Variants in PAPOLA observed in about 807,000 individuals in gnomAD.
PAPOLA encodes the protein poly(A) polymerase alpha, also known as polynucleotide adenylyltransferase alpha.
In PAPOLA, 15 loss-of-function variants were observed where a neutral mutation model predicts 100.6. The ratio of observed to expected loss-of-function variants is 0.15; its 90% CI spans 0.10 to 0.23. The LOEUF (loss-of-function observed/expected upper bound fraction) is 0.23, where lower values mean the gene tolerates loss of function less well. PAPOLA is among the 10% of genes least tolerant of loss of function. The probability of loss-of-function intolerance (pLI) is 1.00; values close to 1 mark genes in which losing one functional copy is unlikely to be tolerated. For missense variants in PAPOLA, 533 were observed against 884.2 expected (o/e 0.60, Z 5.04); for synonymous variants, 293 against 300.0 (o/e 0.98, Z 0.24).
intron 16 of PAPOLA, among the ~76,000 whole-genome samples, chr14:96,551,300 C>T (rs1900828249): frequency 6.6e-6 from 1 of 152,168 alleles, no homozygotes; most frequent in African/African-American, 2.4e-5. Flanking sequence ...ATATAATTTA[C>T]TTACTGAATA....
intron 18 of PAPOLA, 96 bp from the exon 19 acceptor site, chr14:96,556,079 G>C (rs1901297465): frequency 8.2e-7 from 1 of 1,216,936 alleles, no homozygotes; most frequent in Non-Finnish European, 1.2e-6. Context: ...TGCATGTAAA[G>C]TTATTCATGA....
rs370159639 is a variant in PAPOLA, at chr14:96,548,534, TTAAG to T, written c.1521+618_1521+621del. ...GACAGATACAAATTACGTTTTTTCT[TTAAG>T]TGATTTCAAAAATAGATGGTTTATT... On this transcript the variant is annotated intron_variant, in intron 16 of 21. Transcript: ENST00000216277. Among the ~76,000 whole-genome samples, 40 of 152,276 alleles carry T rather than the reference TTAAG, an allele frequency of 2.6e-4. No individual in the cohort carries two copies. In the South Asian group the frequency reaches 5.0e-3, roughly 19 times the overall value.
Position 96,565,817 on chromosome 14 carries a change from TGTC to T in PAPOLA, c.*768_*770del. On this transcript the variant is annotated 3_prime_UTR_variant, in exon 22 of 22. Transcript: ENST00000216277. ...CTGTGTTCTTTTGCCTTCAATCTGT[TGTC>T]TTCAAAACAAACAAACAAAAAAAGC... The T allele has an allele frequency of 2.5e-6, 1 of 398,150 alleles. No individual in the cohort carries two copies. The highest frequency in any genetic ancestry group is 3.6e-5 in the East Asian group (1 of 28,072). 24.7% of individuals were successfully genotyped at this position (398,150 alleles called of 1,614,324 possible).
In PAPOLA at chr14:96,502,426, G is replaced by A. The variant is rs1022988639; in HGVS notation, c.-167G>A. Reference sequence around the variant, plus strand: ...GCTCGGGCGCCATGTTAGGACGAAGGGGAAGGAGGAGAAGCGCTTAAAGCG... The same window carrying A: ...GCTCGGGCGCCATGTTAGGACGAAGAGGAAGGAGGAGAAGCGCTTAAAGCG... On this transcript the variant is annotated 5_prime_UTR_variant, in exon 1 of 22. Coordinates refer to ENST00000216277, the MANE Select transcript of PAPOLA (RefSeq NM_032632.5). The A allele has an allele frequency of 4.3e-6, 3 of 705,234 alleles. No homozygotes were observed. The highest frequency in any genetic ancestry group is 7.8e-6 in the Non-Finnish European group (3 of 386,652). The allele number at this position is 705,234 out of a possible 1,614,324, so 43.7% of individuals were successfully genotyped here. A position where few individuals can be genotyped will look rare whatever the true frequency, so the allele number is the denominator to read the frequency against.
intron 15 of PAPOLA, among the ~76,000 whole-genome samples, chr14:96,545,717 A>G (rs914035169): frequency 1.3e-5 from 2 of 152,064 alleles, no homozygotes; most frequent in East Asian, 1.9e-4. Context: ...TGAAAGATAT[A>G]TAGTGTTTCT....
Position 96,542,906 on chromosome 14 carries a change from C to T in PAPOLA, c.1289+13C>T. Reference sequence around the variant, plus strand: ...AAAATCCCGACAAGTAAGCCCTTTTCTAATTTAATTTCTTCTTCCCATTTC... The same window carrying T: ...AAAATCCCGACAAGTAAGCCCTTTTTTAATTTAATTTCTTCTTCCCATTTC... On this transcript the variant is annotated intron_variant, in intron 14 of 21. Coordinates refer to ENST00000216277, the MANE Select transcript of PAPOLA (RefSeq NM_032632.5). 1.2e-6 allele frequency: 2 copies of T among 1,607,722 alleles called. No homozygotes were observed.
rs760443747 is a variant in PAPOLA, at chr14:96,520,050, T to G, written c.9-5T>G. 3 of 1,592,212 alleles carry G rather than the reference T, an allele frequency of 1.9e-6. No homozygotes were observed. Among genetic ancestry groups the G allele is most frequent in the East Asian group, 4.5e-5 (2 of 44,614 alleles). On this transcript the variant is annotated splice_region_variant and splice_polypyrimidine_tract_variant and intron_variant, in intron 1 of 21. Coordinates refer to ENST00000216277, the MANE Select transcript of PAPOLA (RefSeq NM_032632.5). ...GGCAGTAATTGTATCCAATTTTGTTTATAGTCCAGTTACAACACAGGGATC... is the reference window on the plus strand; with the variant it reads ...GGCAGTAATTGTATCCAATTTTGTTGATAGTCCAGTTACAACACAGGGATC...
chr14:96,552,628 G>C lies in PAPOLA; in HGVS notation c.1664+6G>C, dbSNP rs775889075. ...AGTTCTGGCAGCTCTCAGGGGTAAG[G>C]AAAAAGAGGGAAATAGAAGTGGAGG... On this transcript the variant is annotated splice_donor_region_variant and intron_variant, in intron 17 of 21. Coordinates refer to ENST00000216277, the MANE Select transcript of PAPOLA (RefSeq NM_032632.5). 6.2e-7 allele frequency: 1 copy of C among 1,607,344 alleles called. No homozygotes were observed. The highest frequency in any genetic ancestry group is 1.3e-5 in the African/African-American group (1 of 74,496).
rs191269754 is a variant in PAPOLA, at chr14:96,531,997, C to T, written c.608-334C>T. 94 of 1,235,080 alleles carry T rather than the reference C, an allele frequency of 7.6e-5. No individual in the cohort carries two copies. In the East Asian group the frequency reaches 1.8e-3, roughly 23 times the overall value. 76.5% of individuals were successfully genotyped at this position (1,235,080 alleles called of 1,614,324 possible). On this transcript the variant is annotated intron_variant, in intron 7 of 21. Transcript: ENST00000216277. ...GTTACTGTGCTCTTGAAGAGCAGTT[C>T]TTGGAAACTTTAGTGGATTAAGTCT...
intron 16 of PAPOLA, among the ~76,000 whole-genome samples, chr14:96,551,034 GTGTT>G (rs1900809699): frequency 6.6e-6 from 1 of 152,162 alleles, no homozygotes; most frequent in Non-Finnish European, 1.5e-5. Flanking sequence ...GTATGTGTGT[GTGTT>G]TCTTTCTGTA....
intron 17 of PAPOLA, among the ~76,000 whole-genome samples, chr14:96,553,734 A>C (rs1220499503): frequency 6.6e-6 from 1 of 152,082 alleles, no homozygotes; most frequent in Non-Finnish European, 1.5e-5. Context: ...CTGGTCTTGA[A>C]TTCCTGACCT....
In PAPOLA at chr14:96,514,618, C is replaced by T. The variant is rs373558748; in HGVS notation, c.9-5437C>T. ...AATAGCCAACAGTCAACAAAAATGT[C>T]ACTATTCTTTCTAAGTTCCTAAATA... On this transcript the variant is annotated intron_variant, in intron 1 of 21. Transcript: ENST00000216277. Among the ~76,000 whole-genome samples the T allele has an allele frequency of 2.2e-4, 34 of 152,316 alleles. No individual in the cohort carries two copies. The East Asian group carries it at 5.6e-3, about 25-fold the overall frequency.
At chr14:96,527,137 ATGTT>A in intron 4 of PAPOLA, 1 of 360,042 alleles carries the variant, frequency 2.8e-6, no homozygotes, top group Non-Finnish European at 5.0e-6. Context: ...TGTTGGGTGT[ATGTT>A]TGAATAATTC....
chr14:96,508,914 G>C (rs1053578710), intron 1 of PAPOLA, among the ~76,000 whole-genome samples: 1 of 152,208 alleles, frequency 6.6e-6, no homozygotes, highest in Non-Finnish European at 1.5e-5. Flanking sequence ...AGGTCATAAA[G>C]GTACTAAATT....
chr14:96,516,906 G>GT (rs905681192), intron 1 of PAPOLA, among the ~76,000 whole-genome samples: 42 of 152,066 alleles, frequency 2.8e-4, no homozygotes, highest in African/African-American at 9.9e-4. Context: ...TCCAAGCATT[G>GT]TTTATTGTGA....
At chr14:96,536,169 C>G (rs774469671) in intron 11 of PAPOLA, among the ~76,000 whole-genome samples, 170 bp downstream of exon 11, 2 of 152,062 alleles carry the variant, frequency 1.3e-5, no homozygotes, top group Non-Finnish European at 2.9e-5. Flanking sequence ...AAAATTAATT[C>G]CTTTTAGGCA....
intron 14 of PAPOLA, 27 bp downstream of exon 14, chr14:96,542,920 T>C (rs1474346454): frequency 6.2e-7 from 1 of 1,604,880 alleles, no homozygotes; most frequent in African/African-American, 1.3e-5. Flanking sequence ...TTTAATTTCT[T>C]CTTCCCATTT....
chr14:96,530,589 A>G (rs933616314), intron 6 of PAPOLA, among the ~76,000 whole-genome samples: 1 of 151,734 alleles, frequency 6.6e-6, no homozygotes, highest in African/African-American at 2.4e-5. Context: ...GAGTCTCACT[A>G]TGTTGTCCAG....
intron 9 of PAPOLA, chr14:96,533,546 C>CTTTTTTTTTTTTTTTTTT (rs1172413058): frequency 7.0e-6 from 4 of 574,906 alleles, no homozygotes; most frequent in African/African-American, 2.9e-5. Context: ...GTCAGAATTT[C>CTTTTTTTTTTTTTTTTTT]TTTTTTTTTT....
Sources: allele counts gnomAD v4.1 joint callset (sites outside exome capture counted in the v4.1 genomes callset), GRCh38; gene constraint gnomAD v4.1.1; transcripts MANE v1.5; gene names NCBI Gene and HGNC (gene_info 2026-07-23, HGNC 2026-07-21).